The following ANKRD62 variants were observed in gnomAD, a reference collection of about 807,000 sequenced individuals.
ANKRD62 encodes the protein ankyrin repeat domain 62.
In ANKRD62, 61 loss-of-function variants were observed where a neutral mutation model predicts 98.8. That is an observed-to-expected ratio of 0.62 (90% CI 0.50 to 0.76). ANKRD62 has a LOEUF of 0.76. ANKRD62 is among the 30% of genes least tolerant of loss of function. ANKRD62 has a pLI of 0.00. For missense variants in ANKRD62, 933 were observed against 1,082.9 expected (o/e 0.86, Z 1.94); for synonymous variants, 341 against 367.9 (o/e 0.93, Z 0.84).
chr18:12,157,444 C>A, the ANKRD62 span, among the ~76,000 whole-genome samples: 49 of 152,154 alleles, frequency 3.2e-4, no homozygotes, highest in African/African-American at 1.2e-3. Context: ...TTCAGTAGGT[C>A]TTTGATTATT....
At chr18:12,164,630 C>T in the ANKRD62 span, among the ~76,000 whole-genome samples, 1 of 151,838 alleles carries the variant, frequency 6.6e-6, no homozygotes, top group African/African-American at 2.4e-5. Flanking sequence ...TAGCTATAAA[C>T]TTCTCTCTAG....
the ANKRD62 span, among the ~76,000 whole-genome samples, chr18:12,141,195 C>G: frequency 6.6e-6 from 1 of 152,212 alleles, no homozygotes; most frequent in Admixed American, 6.5e-5. Flanking sequence ...TTGTTAAGCC[C>G]GTTGGACAAG....
rs541759423 is a variant in ANKRD62, at chr18:12,125,175, G to T, written c.1639-285G>T. On this transcript the variant is annotated intron_variant, in intron 12 of 13. Transcript: ENST00000587848. ...ATGTTTTTGGGTTTGTTGAAATTCA[G>T]TAAAAGCCTTCTTTTAAAAAAAATT... is the stretch of plus-strand genomic sequence containing the variant. Among the ~76,000 whole-genome samples, 4 of 152,008 alleles carry T rather than the reference G, an allele frequency of 2.6e-5. No homozygotes were observed. The South Asian group carries it at 8.3e-4, about 32-fold the overall frequency.
chr18:12,168,419 A>T, the ANKRD62 span, among the ~76,000 whole-genome samples: 1 of 152,092 alleles, frequency 6.6e-6, no homozygotes, highest in African/African-American at 2.4e-5. Context: ...TGTTTTTGTC[A>T]GGTTTGTCAA....
At chr18:12,154,299 A>G in the ANKRD62 span, among the ~76,000 whole-genome samples, 1 of 152,242 alleles carries the variant, frequency 6.6e-6, no homozygotes, top group Non-Finnish European at 1.5e-5. Context: ...ATGAACAGAC[A>G]CTTTCCAAAA....
At chr18:12,167,790 A>T in the ANKRD62 span, among the ~76,000 whole-genome samples, 1 of 152,184 alleles carries the variant, frequency 6.6e-6, no homozygotes, top group Non-Finnish European at 1.5e-5. Flanking sequence ...CCTCTCCAGC[A>T]TCTGTTGTTT....
At position 12,126,087 on chromosome 18, in the gene ANKRD62, CA is replaced by C; in HGVS notation, c.2270del (p.Asn757MetfsTer10). The C allele has an allele frequency of 1.3e-6, 2 of 1,536,092 alleles. No individual in the cohort carries two copies. Among genetic ancestry groups the C allele is most frequent in the Non-Finnish European group, 1.7e-6 (2 of 1,146,880 alleles). Reference sequence around the variant, plus strand: ...ATTGGAGGACATTGAACACATGTACCAAAATGACCAACCTATTTTGGAAAAA... The same window carrying C: ...ATTGGAGGACATTGAACACATGTACCAAATGACCAACCTATTTTGGAAAAA... ...RRLEDIEHMY[Q>X]NDQPILEKYV... On this transcript the variant is annotated frameshift_variant, in exon 13 of 14. Transcript: ENST00000587848. LOFTEE classifies it high-confidence loss of function.
chr18:12,124,581 G>T (rs541976937), intron 12 of ANKRD62, among the ~76,000 whole-genome samples: 4 of 152,242 alleles, frequency 2.6e-5, no homozygotes, highest in Non-Finnish European at 5.9e-5. Flanking sequence ...TTTGTTCCTA[G>T]TGACATAGTT....
Position 12,126,176 on chromosome 18 carries a change from G to T in ANKRD62, c.2355G>T (p.Leu785Phe). Residue 785 changes from leucine to phenylalanine, a missense_variant, in exon 13 of 14, where the codon TTG becomes TTT. Physicochemically the swap from Leu to Phe is conservative, Grantham distance 22. Around this residue, in one of 3 missense-constraint regions of ANKRD62, gnomAD observed 362 missense variants for 434.5 expected, o/e 0.83. Transcript: ENST00000587848. ...TTCAACTACAAAGCCAAAATCTGTT[G>T]TATCAACAGCAGTGTAATGATGCTC... is the stretch of plus-strand genomic sequence containing the variant. ...GLFQLQSQNL[L>F]YQQQCNDARK... The T allele has an allele frequency of 1.3e-6, 2 of 1,536,060 alleles. No homozygotes were observed. Among genetic ancestry groups the T allele is most frequent in the Admixed American group, 2.0e-5 (1 of 50,980 alleles).
the ANKRD62 span, among the ~76,000 whole-genome samples, chr18:12,155,241 G>A: frequency 6.6e-6 from 1 of 152,150 alleles, no homozygotes; most frequent in Non-Finnish European, 1.5e-5. Context: ...GCTTATTCTG[G>A]CTTGAAAACT....
At chr18:12,167,298 G>A in the ANKRD62 span, among the ~76,000 whole-genome samples, 10 of 150,060 alleles carry the variant, frequency 6.7e-5, no homozygotes, top group South Asian at 4.3e-4. Flanking sequence ...CCCCCACCCC[G>A]TGACAAGCCC....
At chr18:12,103,088 T>G in intron 6 of ANKRD62, 70 bp from the exon 7 acceptor site, 1 of 1,088,860 alleles carries the variant, frequency 9.2e-7, no homozygotes, top group Non-Finnish European at 1.2e-6. Context: ...TCTATTTTTA[T>G]AAAGACTAAA....
chr18:12,152,608 A>G, the ANKRD62 span, among the ~76,000 whole-genome samples: 9 of 152,216 alleles, frequency 5.9e-5, no homozygotes, highest in Non-Finnish European at 8.8e-5. Flanking sequence ...ATTCATGACA[A>G]ATCTGCAGCC....
intron 10 of ANKRD62, among the ~76,000 whole-genome samples, chr18:12,119,133 A>AT (rs1274640204): frequency 7.2e-5 from 11 of 151,772 alleles, no homozygotes; most frequent in Admixed American, 7.2e-4. Context: ...CTTTTAAGGA[A>AT]TTTGTTAATT....
chr18:12,115,126 T>C lies in ANKRD62; in HGVS notation c.1098+5T>C. On this transcript the variant is annotated splice_donor_5th_base_variant and intron_variant, in intron 9 of 13. Coordinates refer to ENST00000587848, the MANE Select transcript of ANKRD62 (RefSeq NM_001277333.2). The stretch of plus-strand genomic sequence containing the variant: ...ACCTCTAATGAAAAGAGCAAGGTAT[T>C]ATAAAAGTAAATTGTCAAGAATGCT... The C allele has an allele frequency of 1.9e-5, 27 of 1,406,880 alleles. No individual in the cohort carries two copies. Among genetic ancestry groups the C allele is most frequent in the Non-Finnish European group, 2.5e-5 (27 of 1,087,550 alleles). 87.1% of individuals were successfully genotyped at this position (1,406,880 alleles called of 1,614,324 possible).
At chr18:12,106,857 C>G (rs183851155) in intron 7 of ANKRD62, among the ~76,000 whole-genome samples, 1 of 152,240 alleles carries the variant, frequency 6.6e-6, no homozygotes, top group Admixed American at 6.5e-5. Flanking sequence ...GGGAAAGCTT[C>G]CTTTCTGTTC....
chr18:12,164,851 G>A, the ANKRD62 span, among the ~76,000 whole-genome samples: 1 of 151,806 alleles, frequency 6.6e-6, no homozygotes, highest in Non-Finnish European at 1.5e-5. Context: ...TTTTCTTTCT[G>A]GGACATATGT....
In ANKRD62 at chr18:12,097,735, G is replaced by T; in HGVS notation, c.710G>T (p.Gly237Val). The change falls in exon 5 of 14, where the codon GGA (glycine) becomes GTA (valine). Residue 237 changes from glycine to valine, a missense_variant. Transcript: ENST00000587848. ...GATGTCTTTTGCCAAGATATATCTGGATGGACTGCAGAAGACTACGCTGTT... is the reference window on the plus strand; with the variant it reads ...GATGTCTTTTGCCAAGATATATCTGTATGGACTGCAGAAGACTACGCTGTT... ...NIDVFCQDISGWTAEDYAVAS... is the reference protein window; with the variant it reads ...NIDVFCQDISVWTAEDYAVAS... 6.5e-7 allele frequency: 1 copy of T among 1,536,030 alleles called. No individual in the cohort carries two copies.
the ANKRD62 span, among the ~76,000 whole-genome samples, chr18:12,174,009 G>T: frequency 6.6e-6 from 1 of 152,046 alleles, no homozygotes; most frequent in Non-Finnish European, 1.5e-5. Flanking sequence ...CTGGCATTCT[G>T]TACATTTCCT....
Sources: allele counts gnomAD v4.1 joint callset (sites outside exome capture counted in the v4.1 genomes callset), GRCh38; gene constraint gnomAD v4.1.1; regional missense constraint gnomAD v4.1.1; transcripts MANE v1.5; gene names NCBI Gene and HGNC (gene_info 2026-07-23, HGNC 2026-07-21).